NFASC: variants seen among roughly 807,000 people sequenced by gnomAD.
NFASC encodes the protein neurofascin homolog.
In NFASC, 43 loss-of-function variants were observed where a neutral mutation model predicts 147.5. The ratio of observed to expected loss-of-function variants is 0.29; its 90% CI spans 0.23 to 0.38. The LOEUF (loss-of-function observed/expected upper bound fraction) is 0.38, where lower values mean the gene tolerates loss of function less well. NFASC is among the 10% of genes least tolerant of loss of function. The probability of loss-of-function intolerance (pLI) is 1.00; values close to 1 mark genes in which losing one functional copy is unlikely to be tolerated. For synonymous variants in NFASC, 622 were observed against 665.5 expected, an observed-to-expected ratio of 0.93 and a Z score of 1.01; for missense variants, 1,320 against 1,689.0, an observed-to-expected ratio of 0.78 and a Z score of 3.83.
intron 27 of NFASC, among the ~76,000 whole-genome samples, chr1:205,004,420 T>C (rs1487884722): frequency 6.6e-6 from 1 of 152,248 alleles, no homozygotes; most frequent in Non-Finnish European, 1.5e-5. Flanking sequence ...CTCATCTTGA[T>C]AGCTTGCTTT....
rs1042459837 is a variant in NFASC at position 204,987,721 on chromosome 1, C to T, written c.2593+181C>T. On this transcript the variant is annotated intron_variant, in intron 22 of 29. Transcript: ENST00000339876. The surrounding 1 kb of genome is among the most constrained non-coding windows in gnomAD (Gnocchi z 4.4). ...GGAGGCAGATGGGACTCAATCCCTG[C>T]TCTCCTTTCATAGTTCTGCCTGCAG... Among the ~76,000 whole-genome samples the T allele has an allele frequency of 6.6e-6, 1 of 152,210 alleles. No individual in the cohort carries two copies. Among genetic ancestry groups the T allele is most frequent in the African/African-American group, 2.4e-5 (1 of 41,440 alleles).
intron 1 of NFASC, among the ~76,000 whole-genome samples, chr1:204,914,608 A>G (rs866524526): frequency 3.9e-5 from 6 of 152,324 alleles, no homozygotes; most frequent in Middle Eastern, 6.8e-3. Flanking sequence ...AAAATACTCA[A>G]TCTTACTTAT....
chr1:204,938,541 C>T (rs1476715635), intron 2 of NFASC, among the ~76,000 whole-genome samples: 2 of 152,178 alleles, frequency 1.3e-5, no homozygotes, highest in African/African-American at 4.8e-5. Context: ...CCCACCCTGC[C>T]GCCGGCTCCC....
intron 2 of NFASC, among the ~76,000 whole-genome samples, chr1:204,939,227 G>A (rs566887846): frequency 6.6e-6 from 1 of 152,104 alleles, no homozygotes; most frequent in East Asian, 1.9e-4. Flanking sequence ...CCTGCCCCCT[G>A]CAATGAGCCC....
At chr1:204,951,928 A>G in intron 4 of NFASC, 83 bp from the exon 5 acceptor site, 2 of 1,106,886 alleles carry the variant, frequency 1.8e-6, no homozygotes, top group South Asian at 2.7e-5. Flanking sequence ...TGGCTTCTGA[A>G]GCTCTTCATC....
At chr1:204,890,488 AG>A (rs1445873570) in intron 1 of NFASC, among the ~76,000 whole-genome samples, 5 of 152,318 alleles carry the variant, frequency 3.3e-5, no homozygotes, top group African/African-American at 1.2e-4. Context: ...GAAGGGGAGA[AG>A]GGAAACATTT....
intron 1 of NFASC, among the ~76,000 whole-genome samples, chr1:204,842,856 G>A (rs1412603298): frequency 6.6e-6 from 1 of 152,208 alleles, no homozygotes; most frequent in Non-Finnish European, 1.5e-5. Flanking sequence ...TCAGCAGTGG[G>A]GCCATCAGTG....
chr1:204,922,453 G>C (rs542136473), intron 2 of NFASC, among the ~76,000 whole-genome samples: 1 of 152,272 alleles, frequency 6.6e-6, no homozygotes, highest in Admixed American at 6.5e-5. Flanking sequence ...TATCGGTTCT[G>C]AGCTTAATCC....
chr1:205,005,034 G>A (rs893172461), intron 27 of NFASC, among the ~76,000 whole-genome samples: 1 of 152,224 alleles, frequency 6.6e-6, no homozygotes, highest in African/African-American at 2.4e-5. Context: ...GAGTGGGCCA[G>A]CAGTCAGATA....
At chr1:204,983,907 C>T (rs577583329) in intron 21 of NFASC, 7 of 671,102 alleles carry the variant, frequency 1.0e-5, no homozygotes, top group Non-Finnish European at 1.9e-5. Flanking sequence ...AGATATGGCC[C>T]CTGCCCTCAT....
chr1:205,012,895 G>T, intron 29 of NFASC, 29 bp downstream of exon 29: 1 of 1,557,346 alleles, frequency 6.4e-7, no homozygotes, highest in Non-Finnish European at 8.9e-7. Context: ...CCTCTCTCAG[G>T]CAGGCTGTCC....
At chr1:204,932,777 C>T (rs2092479311) in intron 2 of NFASC, among the ~76,000 whole-genome samples, 1 of 152,166 alleles carries the variant, frequency 6.6e-6, no homozygotes, top group African/African-American at 2.4e-5. Flanking sequence ...TGTTTCCCAC[C>T]CTTAGTTTAA....
At chr1:204,889,993 A>G (rs973577653) in intron 1 of NFASC, among the ~76,000 whole-genome samples, 3 of 152,146 alleles carry the variant, frequency 2.0e-5, no homozygotes, top group African/African-American at 7.2e-5. Context: ...GAGGATGTTT[A>G]TTTCCTCGGG....
At chr1:204,940,560 A>G (rs946090112) in intron 2 of NFASC, among the ~76,000 whole-genome samples, 6 of 152,082 alleles carry the variant, frequency 3.9e-5, no homozygotes, top group African/African-American at 1.5e-4. Flanking sequence ...CTCAAAAGGA[A>G]ACCTCATACC....
rs540318739 is a variant in NFASC at position 205,015,937 on chromosome 1, C to T, written c.3492-371C>T. On this transcript the variant is annotated intron_variant, in intron 29 of 29. Transcript: ENST00000339876. This position sits in a 1 kb window ranked among gnomAD's most constrained non-coding sequence, Gnocchi z 4.0. ...TCACAAAACCACACAGTGACACACTCGGGACTAGAACCATTCCATGTGGTC... is the reference window on the plus strand; with the variant it reads ...TCACAAAACCACACAGTGACACACTTGGGACTAGAACCATTCCATGTGGTC... 6.6e-5 allele frequency among the ~76,000 whole-genome samples: 10 copies of T among 152,242 alleles called. No individual in the cohort carries two copies. The highest frequency in any genetic ancestry group is 2.2e-4 in the African/African-American group (9 of 41,570).
intron 1 of NFASC, among the ~76,000 whole-genome samples, chr1:204,860,106 G>A (rs1548272): frequency 0.15 from 23,484 of 152,070 alleles, 2,729 homozygotes; most frequent in East Asian, 0.53. Flanking sequence ...TCAGGGAAGG[G>A]ACAGCTCCTT....
intron 1 of NFASC, among the ~76,000 whole-genome samples, chr1:204,913,880 A>C (rs1310335468): frequency 2.0e-5 from 3 of 151,646 alleles, no homozygotes; most frequent in African/African-American, 7.3e-5. Context: ...GCAACACAGC[A>C]AGACCCTGTC....
chr1:204,851,305 G>T (rs2075664803), intron 1 of NFASC, among the ~76,000 whole-genome samples: 1 of 150,172 alleles, frequency 6.7e-6, no homozygotes, highest in South Asian at 2.1e-4. Flanking sequence ...ATCTAAAAAT[G>T]TGTTAACAAA....
At chr1:204,966,049 C>T (rs773131842) in intron 8 of NFASC, among the ~76,000 whole-genome samples, 1 of 152,158 alleles carries the variant, frequency 6.6e-6, no homozygotes, top group African/African-American at 2.4e-5. Context: ...TGAATGGTGG[C>T]CCTGATTATG....
Sources: allele counts gnomAD v4.1 joint callset (sites outside exome capture counted in the v4.1 genomes callset), GRCh38; gene constraint gnomAD v4.1.1; non-coding constraint Gnocchi (gnomAD v3.1); transcripts MANE v1.5; gene names NCBI Gene and HGNC (gene_info 2026-07-23, HGNC 2026-07-21).